PDE5A: variants seen among roughly 807,000 people sequenced by gnomAD.
PDE5A encodes the protein cGMP-specific 3',5'-cyclic phosphodiesterase.
Under a neutral mutation model 110.2 loss-of-function variants are expected in PDE5A, and 67 were observed. That is an observed-to-expected ratio of 0.61 (90% CI 0.50 to 0.75). PDE5A has a LOEUF of 0.75. Among genes scored for constraint, PDE5A ranks in the 30% least tolerant of loss-of-function variants. The pLI is 0.00. For synonymous variants in PDE5A, 328 were observed against 351.2 expected (o/e 0.93, Z 0.74); for missense variants, 862 against 1,045.1 (o/e 0.82, Z 2.42).
rs1228041137 is a variant in PDE5A at position 119,495,410 on chromosome 4, A to T, written c.*3191T>A. On this transcript the variant is annotated 3_prime_UTR_variant, in exon 21 of 21. Transcript: ENST00000354960. ...GTTCATAAGAGAGGATAACGATGAC[A>T]TTTTGTATCCTCTCATATTAAATCA... 2 of 152,294 alleles carry T rather than the reference A, an allele frequency of 1.3e-5. No individual in the cohort carries two copies. The highest frequency in any genetic ancestry group is 4.8e-5 in the African/African-American group (2 of 41,422). The allele number at this position is 152,294 out of a possible 1,614,324, so 9.4% of individuals were successfully genotyped here.
rs1726827557 is a variant in PDE5A, at chr4:119,539,033, A to C, written c.1573-14T>G. The C allele has an allele frequency of 6.2e-7, 1 of 1,607,864 alleles. No individual in the cohort carries two copies. Among genetic ancestry groups the C allele is most frequent in the Admixed American group, 1.7e-5 (1 of 59,920 alleles). ...ATACGACAGAACCTACAGGGTAGGAAAAGAAGTCCAGGTTACACAGGAGAG... is the reference window on the plus strand; with the variant it reads ...ATACGACAGAACCTACAGGGTAGGACAAGAAGTCCAGGTTACACAGGAGAG... On this transcript the variant is annotated splice_polypyrimidine_tract_variant and intron_variant, in intron 10 of 20. Coordinates refer to ENST00000354960, the MANE Select transcript of PDE5A (RefSeq NM_001083.4).
intron 15 of PDE5A, among the ~76,000 whole-genome samples, chr4:119,508,885 TATAG>T (rs762185267): frequency 1.5e-4 from 23 of 151,994 alleles, no homozygotes; most frequent in Middle Eastern, 6.3e-3. Context: ...GAGCCAGCCA[TATAG>T]ATAATCAGAT....
chr4:119,540,172 C>A (rs923951874), intron 10 of PDE5A, among the ~76,000 whole-genome samples: 27 of 151,636 alleles, frequency 1.8e-4, no homozygotes, highest in African/African-American at 5.3e-4. Context: ...ACAAAAAAAA[C>A]CCCAAAAGCT....
At chr4:119,565,662 A>C (rs908547118) in intron 4 of PDE5A, among the ~76,000 whole-genome samples, 57 of 152,076 alleles carry the variant, frequency 3.7e-4, no homozygotes, top group Non-Finnish European at 5.9e-5. Flanking sequence ...TCTTTATACC[A>C]CTTGAAGTTA....
chr4:119,561,944 C>T (rs1468701846), intron 6 of PDE5A, among the ~76,000 whole-genome samples: 1 of 152,038 alleles, frequency 6.6e-6, no homozygotes, highest in Non-Finnish European at 1.5e-5. Flanking sequence ...TCTACTTTGC[C>T]CCAAAACATA....
intron 11 of PDE5A, among the ~76,000 whole-genome samples, chr4:119,530,428 A>G (rs892491574): frequency 6.6e-6 from 1 of 152,154 alleles, no homozygotes; most frequent in Admixed American, 6.6e-5. Context: ...CACATCTCCT[A>G]TGTGAAAGTT....
At chr4:119,572,388 A>C (rs956945829) in intron 3 of PDE5A, among the ~76,000 whole-genome samples, 13 of 152,244 alleles carry the variant, frequency 8.5e-5, no homozygotes, top group Non-Finnish European at 1.6e-4. Flanking sequence ...ATGCATATTC[A>C]AATAATAATT....
In PDE5A at chr4:119,628,671, TGGTTGGC is replaced by T. The variant is rs1730453511; in HGVS notation, c.-7_-1del. On this transcript the variant is annotated 5_prime_UTR_variant, in exon 1 of 21. Coordinates refer to ENST00000354960, the MANE Select transcript of PDE5A (RefSeq NM_001083.4). ...CCGAAGCTGGGGCCGGCCCGCTCCA[TGGTTGGC>T]ACCGCGCGCCTCGGAGGCTCTCTGG... The T allele has an allele frequency of 1.9e-6, 3 of 1,612,114 alleles. No homozygotes were observed. The Admixed American group carries it at 5.0e-5, about 27-fold the overall frequency.
chr4:119,624,936 T>C (rs1408889468), intron 1 of PDE5A, among the ~76,000 whole-genome samples: 1 of 152,124 alleles, frequency 6.6e-6, no homozygotes, highest in Admixed American at 6.5e-5. Flanking sequence ...CAACCGACTA[T>C]GTTCTGAATC....
chr4:119,577,163 A>C (rs1373177504), intron 3 of PDE5A, among the ~76,000 whole-genome samples: 1 of 151,780 alleles, frequency 6.6e-6, no homozygotes, highest in Non-Finnish European at 1.5e-5. Flanking sequence ...TGAATAGACC[A>C]ATAATAGGCT....
intron 1 of PDE5A, among the ~76,000 whole-genome samples, chr4:119,608,719 C>T (rs186681040): frequency 2.0e-5 from 3 of 152,150 alleles, no homozygotes; most frequent in Non-Finnish European, 2.9e-5. Flanking sequence ...TTTGCCTATA[C>T]AAAAAGCAAT....
chr4:119,521,114 T>C, intron 12 of PDE5A, 54 bp from the exon 13 acceptor site: 1 of 1,560,834 alleles, frequency 6.4e-7, no homozygotes, highest in Non-Finnish European at 8.8e-7. Context: ...CTTCACACAT[T>C]TACTATGTTC....
intron 19 of PDE5A, 63 bp from the exon 20 acceptor site, chr4:119,501,316 T>C: frequency 1.0e-6 from 1 of 1,004,450 alleles, no homozygotes. Flanking sequence ...TAGTTATTAC[T>C]TTATTATTTT....
intron 13 of PDE5A, 179 bp from the exon 14 acceptor site, chr4:119,519,318 A>G: frequency 1.9e-6 from 1 of 520,496 alleles, no homozygotes; most frequent in Non-Finnish European, 3.4e-6. Context: ...GTCCTTTGTC[A>G]TTCAGAATGG....
intron 11 of PDE5A, among the ~76,000 whole-genome samples, chr4:119,526,128 GGTTA>G (rs1402745180): frequency 1.3e-5 from 2 of 152,086 alleles, no homozygotes; most frequent in African/African-American, 4.8e-5. Flanking sequence ...AGCATTTTAT[GGTTA>G]GTTCTCAGGA....
At chr4:119,543,815 C>T (rs957354268) in intron 9 of PDE5A, 12 of 152,260 alleles carry the variant, frequency 7.9e-5, no homozygotes, top group African/African-American at 2.7e-4. Flanking sequence ...ACCTCCTTCC[C>T]AATGACCTCC....
chr4:119,610,494 GA>G (rs1729704727), intron 1 of PDE5A, among the ~76,000 whole-genome samples: 1 of 151,938 alleles, frequency 6.6e-6, no homozygotes, highest in African/African-American at 2.4e-5. Flanking sequence ...TTCTCAACGG[GA>G]AATGGAGATC....
chr4:119,588,863 A>T (rs1728865959), intron 3 of PDE5A, among the ~76,000 whole-genome samples: 1 of 152,240 alleles, frequency 6.6e-6, no homozygotes, highest in East Asian at 1.9e-4. Flanking sequence ...ATGATCTTTT[A>T]CCACGTTGTA....
intron 3 of PDE5A, among the ~76,000 whole-genome samples, chr4:119,577,061 C>G (rs1006848017): frequency 1.3e-5 from 2 of 152,180 alleles, no homozygotes; most frequent in African/African-American, 4.8e-5. Flanking sequence ...ATAAACACCT[C>G]TACGCAAATA....
Sources: gnomAD v4.1 joint callset for allele counts (sites outside exome capture counted in the v4.1 genomes callset) on GRCh38, gnomAD v4.1.1 for gene constraint, MANE v1.5 for transcripts, NCBI Gene and HGNC (gene_info 2026-07-23, HGNC 2026-07-21) for gene names.